DCC: variants seen among roughly 807,000 people sequenced by gnomAD.
The protein encoded by DCC is netrin receptor DCC.
DCC carries 58 observed loss-of-function variants against 172.5 expected under a neutral mutation model. The observed-to-expected ratio is 0.34, with a 90% CI of 0.27 to 0.42. The LOEUF (loss-of-function observed/expected upper bound fraction) is 0.42, where lower values mean the gene tolerates loss of function less well. Among genes scored for constraint, DCC ranks in the 10% least tolerant of loss-of-function variants. The pLI, the probability that DCC is intolerant of heterozygous loss-of-function variation, is 1.00. For synonymous variants in DCC, 709 were observed against 644.5 expected (o/e 1.10, Z -1.52); for missense variants, 1,740 against 1,791.0 (o/e 0.97, Z 0.51).
chr18:53,492,446 G>A (rs1445436069), intron 26 of DCC, among the ~76,000 whole-genome samples: 6 of 152,004 alleles, frequency 3.9e-5, no homozygotes, highest in Non-Finnish European at 2.9e-5. Flanking sequence ...TAGGTCTTAT[G>A]TTTAAGTCTT....
chr18:52,656,103 TACATATATATA>T (rs1463631312), intron 1 of DCC, among the ~76,000 whole-genome samples: 1 of 146,862 alleles, frequency 6.8e-6, no homozygotes, highest in Non-Finnish European at 1.5e-5. Context: ...TATATATATA[TACATATATATA>T]ACATATATAT....
chr18:52,951,619 T>C (rs1396541290), intron 5 of DCC, among the ~76,000 whole-genome samples: 2 of 152,226 alleles, frequency 1.3e-5, no homozygotes, highest in African/African-American at 4.8e-5. Context: ...GAACTCATTC[T>C]TTTTTATGGC....
chr18:53,296,462 G>A (rs1179534691), intron 12 of DCC, among the ~76,000 whole-genome samples: 1 of 152,114 alleles, frequency 6.6e-6, no homozygotes, highest in African/African-American at 2.4e-5. Flanking sequence ...AGCTCATACT[G>A]CTGATGAGAA....
chr18:52,737,643 G>C (rs2036750117), intron 1 of DCC, among the ~76,000 whole-genome samples: 2 of 152,118 alleles, frequency 1.3e-5, no homozygotes. Context: ...TCCAGAGGTG[G>C]TGAAGACAGG....
At chr18:52,851,077 ACATT>A (rs2038968797) in intron 2 of DCC, among the ~76,000 whole-genome samples, 1 of 152,154 alleles carries the variant, frequency 6.6e-6, no homozygotes, top group Non-Finnish European at 1.5e-5. Context: ...AATTAATAAC[ACATT>A]CATAGTCTAC....
intron 7 of DCC, among the ~76,000 whole-genome samples, chr18:53,094,490 A>G (rs1396568693): frequency 1.3e-5 from 2 of 152,184 alleles, no homozygotes; most frequent in Non-Finnish European, 1.5e-5. Context: ...TTTTTTGACA[A>G]CACATCACGA....
intron 25 of DCC, chr18:53,481,124 A>G (rs767605923): frequency 1.1e-4 from 16 of 152,200 alleles, no homozygotes; most frequent in Non-Finnish European, 1.8e-4. Context: ...GAGCATGTAC[A>G]ATCTTTTTAA....
intron 2 of DCC, among the ~76,000 whole-genome samples, chr18:52,848,467 A>G (rs2038929378): frequency 6.6e-6 from 1 of 152,180 alleles, no homozygotes; most frequent in Non-Finnish European, 1.5e-5. Flanking sequence ...GGGACAAAGG[A>G]CACACATTTT....
intron 9 of DCC, among the ~76,000 whole-genome samples, chr18:53,184,900 G>A (rs1266074976): frequency 6.6e-6 from 1 of 152,128 alleles, no homozygotes; most frequent in African/African-American, 2.4e-5. Context: ...GCTCTGTCTA[G>A]CTCATTACTT....
At chr18:53,219,705 G>A (rs2055902313) in intron 12 of DCC, among the ~76,000 whole-genome samples, 1 of 152,078 alleles carries the variant, frequency 6.6e-6, no homozygotes. Flanking sequence ...AAAGTTTCTA[G>A]TGCCTTCCTA....
chr18:52,946,592 A>G (rs1189489203), intron 5 of DCC, among the ~76,000 whole-genome samples: 2 of 152,142 alleles, frequency 1.3e-5, no homozygotes, highest in African/African-American at 4.8e-5. Context: ...GGCAGAAGGG[A>G]CTACAGCTAC....
chr18:53,222,103 C>T (rs200897298), intron 12 of DCC, among the ~76,000 whole-genome samples: 12 of 152,138 alleles, frequency 7.9e-5, no homozygotes, highest in African/African-American at 1.9e-4. Flanking sequence ...CAACAGTTTA[C>T]GTCTTTTTTC....
chr18:52,417,420 C>T (rs1413180995), intron 1 of DCC, among the ~76,000 whole-genome samples: 3 of 152,018 alleles, frequency 2.0e-5, no homozygotes, highest in Non-Finnish European at 4.4e-5. Flanking sequence ...TGTTGGCCTG[C>T]CTTGCTAGAT....
intron 1 of DCC, among the ~76,000 whole-genome samples, chr18:52,472,011 C>A (rs1988961507): frequency 6.6e-6 from 1 of 152,146 alleles, no homozygotes; most frequent in African/African-American, 2.4e-5. Context: ...TCTTGAAGTC[C>A]TCCAGAAGTT....
chr18:53,107,276 T>C (rs2043262579), intron 7 of DCC, among the ~76,000 whole-genome samples: 2 of 151,794 alleles, frequency 1.3e-5, no homozygotes, highest in Non-Finnish European at 2.9e-5. Context: ...CAGTGAGACA[T>C]GTTGCAGAAT....
chr18:53,351,383 A>ACAGTATATATATATACT (rs1375836693), intron 15 of DCC, among the ~76,000 whole-genome samples: 5 of 35,090 alleles, frequency 1.4e-4, no homozygotes, highest in Admixed American at 5.1e-4. Flanking sequence ...ATATATATAC[A>ACAGTATATATATATACT]GTATATATAT....
In DCC at chr18:52,724,506, T is replaced by G. The variant is rs180961486; in HGVS notation, c.92-27548T>G. 2.1e-3 allele frequency among the ~76,000 whole-genome samples: 327 copies of G among 152,206 alleles called. 1 individual carries two copies. Among genetic ancestry groups the G allele is most frequent in the Non-Finnish European group, 3.9e-3 (267 of 67,996 alleles). On this transcript the variant is annotated intron_variant, in intron 1 of 28. Coordinates refer to ENST00000442544, the MANE Select transcript of DCC (RefSeq NM_005215.4). ...CAGTTTTATCTTACCTGTACCTATATTTCCAAAAATTTGCCTAAATTTCCT... is the reference window on the plus strand; with the variant it reads ...CAGTTTTATCTTACCTGTACCTATAGTTCCAAAAATTTGCCTAAATTTCCT...
chr18:52,398,510 A>G (rs1447339894), intron 1 of DCC, among the ~76,000 whole-genome samples: 1 of 151,976 alleles, frequency 6.6e-6, no homozygotes, highest in Admixed American at 6.6e-5. Flanking sequence ...TAGATTGCAC[A>G]CTTTTTCAAT....
intron 1 of DCC, among the ~76,000 whole-genome samples, chr18:52,528,578 AAGATCCATC>A (rs1009057158): frequency 6.6e-6 from 1 of 152,084 alleles, no homozygotes; most frequent in African/African-American, 2.4e-5. Flanking sequence ...ACAGCATTTT[AAGATCCATC>A]AGCCCTGGTG....
Sources: allele counts gnomAD v4.1 joint callset (sites outside exome capture counted in the v4.1 genomes callset), GRCh38; gene constraint gnomAD v4.1.1; transcripts MANE v1.5; gene names NCBI Gene and HGNC (gene_info 2026-07-23, HGNC 2026-07-21).